The following BTBD1 variants were observed in gnomAD, a reference collection of about 807,000 sequenced individuals.
BTBD1 encodes BTB domain containing 1, also known as BTB/POZ domain-containing protein 1.
A neutral mutation model predicts 48.0 loss-of-function variants in BTBD1; 34 were observed. The observed-to-expected ratio is 0.71, with a 90% CI of 0.54 to 0.94. The LOEUF (loss-of-function observed/expected upper bound fraction) is 0.94, where lower values mean the gene tolerates loss of function less well. Among genes scored for constraint, BTBD1 ranks in the 40% least tolerant of loss-of-function variants. The pLI is 0.00. For missense variants in BTBD1, 543 were observed against 625.6 expected (o/e 0.87, Z 1.41); for synonymous variants, 261 against 242.1 (o/e 1.08, Z -0.72).
intron 5 of BTBD1, among the ~76,000 whole-genome samples, chr15:83,021,641 C>G (rs1363337527): frequency 6.6e-6 from 1 of 151,962 alleles, no homozygotes; most frequent in Non-Finnish European, 1.5e-5. Flanking sequence ...GTAATCCCAG[C>G]TACTAGAGAA....
chr15:83,064,451 A>G (rs192047637), intron 1 of BTBD1, among the ~76,000 whole-genome samples: 2 of 152,224 alleles, frequency 1.3e-5, no homozygotes, highest in African/African-American at 4.8e-5. Flanking sequence ...CATTTCAAAC[A>G]CTCTAAAATT....
intron 1 of BTBD1, among the ~76,000 whole-genome samples, chr15:83,057,611 G>A (rs2033109478): frequency 6.6e-6 from 1 of 152,056 alleles, no homozygotes; most frequent in Non-Finnish European, 1.5e-5. Flanking sequence ...CTTCTTTCTT[G>A]ATCGTTCCTT....
At chr15:83,052,787 C>T (rs1260884573) in intron 2 of BTBD1, among the ~76,000 whole-genome samples, 2 of 135,472 alleles carry the variant, frequency 1.5e-5, no homozygotes, top group East Asian at 2.0e-4. Flanking sequence ...CCCACCACCT[C>T]GCCCGGCTAA....
chr15:83,062,884 G>A (rs540643643), intron 1 of BTBD1, among the ~76,000 whole-genome samples: 6 of 152,264 alleles, frequency 3.9e-5, no homozygotes, highest in Admixed American at 1.3e-4. Context: ...TGAGAGGACT[G>A]TTTATACTGT....
intron 1 of BTBD1, among the ~76,000 whole-genome samples, 159 bp from the exon 2 acceptor site, chr15:83,056,704 T>TATCCATCCATCCATCC (rs55788185): frequency 1.8e-5 from 2 of 112,416 alleles, no homozygotes; most frequent in African/African-American, 6.9e-5. Context: ...TCCATTCATC[T>TATCCATCCATCCATCC]ATCCATCCAT....
At chr15:83,044,442 G>A (rs1249523395) in intron 3 of BTBD1, 3 of 1,574,344 alleles carry the variant, frequency 1.9e-6, no homozygotes, top group African/African-American at 1.3e-5. Flanking sequence ...ACATGAAGGA[G>A]GAGGAGTGGG....
intron 2 of BTBD1, among the ~76,000 whole-genome samples, chr15:83,055,734 A>T (rs531711969): frequency 6.6e-6 from 1 of 152,240 alleles, no homozygotes. Flanking sequence ...GAAATATTCC[A>T]TCTTTATTCC....
chr15:83,030,718 T>A (rs2032500104), intron 4 of BTBD1: 1 of 156,026 alleles, frequency 6.4e-6, no homozygotes, highest in Non-Finnish European at 1.4e-5. Context: ...AAAGAATTCA[T>A]GACTAAGAAC....
chr15:83,039,592 G>A (rs1384323391), intron 4 of BTBD1, among the ~76,000 whole-genome samples: 1 of 151,926 alleles, frequency 6.6e-6, no homozygotes, highest in Non-Finnish European at 1.5e-5. Context: ...GCACAACATG[G>A]TGAAACCCCA....
intron 7 of BTBD1, 103 bp from the exon 8 acceptor site, chr15:83,018,328 T>A: frequency 2.0e-6 from 2 of 994,034 alleles, no homozygotes; most frequent in Non-Finnish European, 2.8e-6. Flanking sequence ...TCACTATCAT[T>A]CCTATATAAA....
intron 1 of BTBD1, among the ~76,000 whole-genome samples, chr15:83,059,547 AAAC>A (rs376428755): frequency 3.3e-5 from 5 of 152,056 alleles, no homozygotes; most frequent in East Asian, 1.9e-4. Flanking sequence ...TCCGTCTCAA[AAAC>A]AACAACAACA....
At chr15:83,029,874 A>T in intron 5 of BTBD1, 1 of 417,270 alleles carries the variant, frequency 2.4e-6, no homozygotes, top group Non-Finnish European at 4.3e-6. Flanking sequence ...CTTGGGGAAA[A>T]ACAAAAAAAT....
rs566625002 is a variant in BTBD1 at position 83,029,888 on chromosome 15, G to A, written c.1055+248C>T. ...TCTTGGGGAAAAACAAAAAAATCAC[G>A]TAACAGAAGGTCCAACCCAATCCTT... On this transcript the variant is annotated intron_variant, in intron 5 of 7. Transcript: ENST00000261721. 8.8e-4 allele frequency: 402 copies of A among 455,956 alleles called. 5 individuals carry two copies. The South Asian group carries it at 0.011, about 13-fold the overall frequency. 28.2% of individuals were successfully genotyped at this position (455,956 alleles called of 1,614,324 possible). A position where few individuals can be genotyped will look rare whatever the true frequency, so the allele number is the denominator to read the frequency against.
At chr15:83,054,286 C>T (rs887628735) in intron 2 of BTBD1, among the ~76,000 whole-genome samples, 2 of 151,716 alleles carry the variant, frequency 1.3e-5, no homozygotes, top group Admixed American at 6.6e-5. Context: ...TGCAGTGAGC[C>T]GAACTGCACC....
At chr15:83,054,399 G>A (rs2033046547) in intron 2 of BTBD1, among the ~76,000 whole-genome samples, 2 of 152,082 alleles carry the variant, frequency 1.3e-5, no homozygotes, top group Admixed American at 1.3e-4. Context: ...GCATCATAGT[G>A]AGGAGTAAGT....
chr15:83,061,886 A>G (rs1237735890), intron 1 of BTBD1: 4 of 152,266 alleles, frequency 2.6e-5, no homozygotes, highest in Non-Finnish European at 4.4e-5. Flanking sequence ...ACAGATAACC[A>G]AAACATGCTG....
intron 4 of BTBD1, among the ~76,000 whole-genome samples, chr15:83,038,900 TTAA>T (rs1223341248): frequency 2.0e-5 from 3 of 152,166 alleles, no homozygotes; most frequent in Non-Finnish European, 2.9e-5. Context: ...GATTAAAGAT[TTAA>T]AGTAAGACCT....
chr15:83,056,885 C>T (rs2033096311), intron 1 of BTBD1, among the ~76,000 whole-genome samples: 2 of 151,948 alleles, frequency 1.3e-5, no homozygotes, highest in South Asian at 4.2e-4. Flanking sequence ...TTTGTAGAGA[C>T]AGGTTTCACC....
intron 4 of BTBD1, among the ~76,000 whole-genome samples, chr15:83,037,820 C>T (rs1173643715): frequency 3.3e-5 from 5 of 152,216 alleles, no homozygotes; most frequent in African/African-American, 7.2e-5. Context: ...CGGTGGCTCA[C>T]GCCTGTAATC....
Sources: gnomAD v4.1 joint callset for allele counts (sites outside exome capture counted in the v4.1 genomes callset) on GRCh38, gnomAD v4.1.1 for gene constraint, MANE v1.5 for transcripts, NCBI Gene and HGNC (gene_info 2026-07-23, HGNC 2026-07-21) for gene names.